Variants in RCAN2 observed in about 807,000 individuals in gnomAD.
RCAN2 encodes regulator of calcineurin 2.
RCAN2 carries 9 observed loss-of-function variants against 23.6 expected under a neutral mutation model. The ratio of observed to expected loss-of-function variants is 0.38; its 90% CI spans 0.23 to 0.67. The LOEUF is 0.67. RCAN2 is among the 30% of genes least tolerant of loss of function. The probability of loss-of-function intolerance (pLI) is 0.51; values close to 1 mark genes in which losing one functional copy is unlikely to be tolerated. For synonymous variants in RCAN2, 109 were observed against 115.7 expected (o/e 0.94, Z 0.37); for missense variants, 273 against 302.3 (o/e 0.90, Z 0.72).
intron 2 of RCAN2, among the ~76,000 whole-genome samples, chr6:46,355,629 T>C (rs1764806351): frequency 6.6e-6 from 1 of 152,200 alleles, no homozygotes; most frequent in Non-Finnish European, 1.5e-5. Context: ...CAAATCTCAG[T>C]GTCACAAAGT....
At chr6:46,437,093 C>T (rs1420543497) in intron 2 of RCAN2, among the ~76,000 whole-genome samples, 3 of 152,166 alleles carry the variant, frequency 2.0e-5, no homozygotes, top group African/African-American at 7.2e-5. Flanking sequence ...TGGTTATACT[C>T]AGAAGCCATT....
intron 2 of RCAN2, among the ~76,000 whole-genome samples, chr6:46,418,141 CATT>C (rs1265386937): frequency 1.3e-5 from 2 of 152,142 alleles, no homozygotes; most frequent in African/African-American, 4.8e-5. Context: ...AGTAATATAA[CATT>C]ATCTTAACAA....
chr6:46,412,442 G>A (rs920557461), intron 2 of RCAN2, among the ~76,000 whole-genome samples: 3 of 152,094 alleles, frequency 2.0e-5, no homozygotes, highest in Non-Finnish European at 4.4e-5. Flanking sequence ...CATTGAGATG[G>A]CATTCATAGC....
intron 2 of RCAN2, among the ~76,000 whole-genome samples, chr6:46,431,202 TAAA>T (rs11335520): frequency 1.3e-4 from 20 of 150,158 alleles, no homozygotes; most frequent in South Asian, 6.3e-4. Context: ...TTTGTATTTT[TAAA>T]AAAAAAAACT....
At chr6:46,454,261 G>T (rs1322946323) in intron 2 of RCAN2, among the ~76,000 whole-genome samples, 4 of 152,138 alleles carry the variant, frequency 2.6e-5, no homozygotes, top group African/African-American at 9.7e-5. Flanking sequence ...TAAAATAAGT[G>T]ATTTTATCAT....
chr6:46,452,902 C>G (rs375800311), intron 2 of RCAN2, among the ~76,000 whole-genome samples: 3 of 152,136 alleles, frequency 2.0e-5, no homozygotes, highest in African/African-American at 7.2e-5. Flanking sequence ...AAAACCTGCA[C>G]GTTCTGCACA....
chr6:46,383,739 C>T (rs367761751), intron 2 of RCAN2, among the ~76,000 whole-genome samples: 6 of 152,238 alleles, frequency 3.9e-5, no homozygotes, highest in Admixed American at 1.3e-4. Flanking sequence ...CCAATCTTAC[C>T]GGATGGCAAA....
intron 2 of RCAN2, among the ~76,000 whole-genome samples, chr6:46,282,558 T>C (rs1170418301): frequency 1.3e-5 from 2 of 152,264 alleles, no homozygotes; most frequent in East Asian, 1.9e-4. Context: ...CTTAAATTTC[T>C]CTGAAAAGAT....
chr6:46,483,031 G>C (rs983981516), intron 1 of RCAN2, among the ~76,000 whole-genome samples: 2 of 152,124 alleles, frequency 1.3e-5, no homozygotes, highest in Non-Finnish European at 2.9e-5. Context: ...GGCTTCCTGG[G>C]AGCTGTCTGG....
chr6:46,432,164 A>G (rs141730556), intron 2 of RCAN2, among the ~76,000 whole-genome samples: 1 of 152,266 alleles, frequency 6.6e-6, no homozygotes, highest in East Asian at 1.9e-4. Flanking sequence ...TTACCATAAT[A>G]ACTATTTTGT....
chr6:46,282,595 T>C (rs1399098572), intron 2 of RCAN2, among the ~76,000 whole-genome samples: 5 of 152,230 alleles, frequency 3.3e-5, no homozygotes. Flanking sequence ...CTACTGAATA[T>C]GTTTGTGTTC....
chr6:46,268,512 T>C (rs1767416727), intron 2 of RCAN2, among the ~76,000 whole-genome samples: 1 of 152,218 alleles, frequency 6.6e-6, no homozygotes, highest in African/African-American at 2.4e-5. Flanking sequence ...TATCTTCCTC[T>C]TTCTTGGAGT....
chr6:46,489,842 A>G (rs984143935), intron 1 of RCAN2, among the ~76,000 whole-genome samples: 9 of 152,248 alleles, frequency 5.9e-5, no homozygotes, highest in Non-Finnish European at 8.8e-5. Context: ...TGCAACTCAC[A>G]TTTTAGACTA....
At chr6:46,437,171 A>G (rs1393409978) in intron 2 of RCAN2, among the ~76,000 whole-genome samples, 3 of 152,242 alleles carry the variant, frequency 2.0e-5, no homozygotes, top group Non-Finnish European at 4.4e-5. Flanking sequence ...TGCCCTGAAC[A>G]GGCAATAGGA....
At chr6:46,277,232 CA>C (rs2150336605) in intron 2 of RCAN2, among the ~76,000 whole-genome samples, 1 of 152,308 alleles carries the variant, frequency 6.6e-6, no homozygotes, top group African/African-American at 2.4e-5. Context: ...CAAATGGGCT[CA>C]GATTTCCACA....
intron 2 of RCAN2, among the ~76,000 whole-genome samples, chr6:46,292,438 G>GTTTT (rs374258081): frequency 1.5e-5 from 2 of 134,024 alleles, no homozygotes; most frequent in Admixed American, 7.4e-5. Flanking sequence ...TTTTTTTTTT[G>GTTTT]TTTTTTTTTT....
intron 2 of RCAN2, among the ~76,000 whole-genome samples, chr6:46,421,686 C>T (rs1766893213): frequency 6.6e-6 from 1 of 152,110 alleles, no homozygotes; most frequent in South Asian, 2.1e-4. Flanking sequence ...GTTTGTTTAA[C>T]ATCCTAGTTT....
intron 2 of RCAN2, among the ~76,000 whole-genome samples, chr6:46,406,488 A>G (rs1389920634): frequency 6.6e-6 from 1 of 152,110 alleles, no homozygotes; most frequent in East Asian, 1.9e-4. Context: ...AAAGCAATAA[A>G]CCCTTGGTTC....
rs543889000 is a variant in RCAN2 at position 46,366,394 on chromosome 6, C to T, written c.225+90358G>A. On this transcript the variant is annotated intron_variant, in intron 2 of 4. Transcript: ENST00000371374. ...GCCATTTCTCTGAGGCCCCTCCAGG[C>T]AAAAATTCCAAAGATCACTGGCCAT... Among the ~76,000 whole-genome samples, 7 of 152,218 alleles carry T rather than the reference C, an allele frequency of 4.6e-5. No individual in the cohort carries two copies. The East Asian group carries it at 1.4e-3, about 29-fold the overall frequency.
Sources: allele counts gnomAD v4.1 joint callset (sites outside exome capture counted in the v4.1 genomes callset), GRCh38; gene constraint gnomAD v4.1.1; transcripts MANE v1.5; gene names NCBI Gene and HGNC (gene_info 2026-07-23, HGNC 2026-07-21).